ZNF782: variants seen among roughly 807,000 people sequenced by gnomAD.
ZNF782 encodes the protein zinc finger protein 782.
A neutral mutation model predicts 13.0 loss-of-function variants in ZNF782; 12 were observed. The ratio of observed to expected loss-of-function variants is 0.92; its 90% CI spans 0.59 to 1.50. The LOEUF (loss-of-function observed/expected upper bound fraction) is 1.50. ZNF782 is among the 40% of genes most tolerant of loss of function. The pLI, the probability that ZNF782 is intolerant of heterozygous loss-of-function variation, is 0.00. For synonymous variants in ZNF782, 284 were observed against 283.0 expected, an observed-to-expected ratio of 1.00 and a Z score of -0.04; for missense variants, 770 against 822.9, an observed-to-expected ratio of 0.94 and a Z score of 0.79.
At chr9:96,843,019 G>A (rs1057067275) in intron 4 of ZNF782, among the ~76,000 whole-genome samples, 1 of 152,060 alleles carries the variant, frequency 6.6e-6, no homozygotes, top group African/African-American at 2.4e-5. Flanking sequence ...CCTGTTCAAC[G>A]ACTAATACAT....
intron 4 of ZNF782, among the ~76,000 whole-genome samples, chr9:96,835,157 T>C (rs1349332116): frequency 1.3e-5 from 2 of 152,228 alleles, no homozygotes; most frequent in Non-Finnish European, 2.9e-5. Flanking sequence ...AGTGGTGAAC[T>C]AGTATAACTG....
At chr9:96,868,219 G>A (rs1231185160) in intron 1 of ZNF782, among the ~76,000 whole-genome samples, 1 of 152,228 alleles carries the variant, frequency 6.6e-6, no homozygotes, top group African/African-American at 2.4e-5. Context: ...AATACTGATA[G>A]GATTTCCCTG....
chr9:96,911,438 CAAAAAAA>C, the ZNF782 span, among the ~76,000 whole-genome samples: 871 of 28,198 alleles, frequency 0.031, 32 homozygotes, highest in East Asian at 0.29. Context: ...GACTCTGTCT[CAAAAAAA>C]AAAAAAAAAA....
At chr9:96,930,785 G>A in the ZNF782 span, among the ~76,000 whole-genome samples, 2 of 148,814 alleles carry the variant, frequency 1.3e-5, no homozygotes, top group South Asian at 2.2e-4. Flanking sequence ...GTGGTGCCAG[G>A]ACAATCACTT....
rs201562561 is a variant in ZNF782, at chr9:96,818,812, C to T, written c.1211G>A (p.Ser404Asn). 9 of 1,613,776 alleles carry T rather than the reference C, an allele frequency of 5.6e-6. No homozygotes were observed. In the Admixed American group the frequency reaches 6.7e-5, roughly 12 times the overall value. Reference sequence around the variant, plus strand: ...ATGTTTTCTTAGGCGTGACTTCTCACTGAAGGCTTTCCCGCACTCAGGACA... The same window carrying T: ...ATGTTTTCTTAGGCGTGACTTCTCATTGAAGGCTTTCCCGCACTCAGGACA... ...YECPECGKAF[S>N]EKSRLRKHQR... The change falls in exon 6 of 6, where the codon AGT (serine) becomes AAT (asparagine). Residue 404 changes from serine to asparagine, a missense_variant. Ser to Asn is a conservative substitution (Grantham distance 46). Transcript: ENST00000481138.
chr9:96,821,220 G>T (rs771576140), intron 5 of ZNF782, among the ~76,000 whole-genome samples: 3 of 152,178 alleles, frequency 2.0e-5, no homozygotes, highest in South Asian at 4.1e-4. Context: ...TACACTAACT[G>T]TAGGCTCATT....
intron 2 of ZNF782, among the ~76,000 whole-genome samples, chr9:96,852,398 G>A (rs1009038730): frequency 2.6e-5 from 4 of 152,166 alleles, no homozygotes; most frequent in South Asian, 2.1e-4. Flanking sequence ...CCAGCACTTC[G>A]GGAGGCCAAA....
intron 5 of ZNF782, among the ~76,000 whole-genome samples, 179 bp downstream of exon 5, chr9:96,826,901 C>A (rs899294826): frequency 4.6e-5 from 7 of 152,350 alleles, no homozygotes; most frequent in African/African-American, 1.7e-4. Context: ...TATCTGAACT[C>A]TCAGAAGCTT....
chr9:96,919,640 T>G, the ZNF782 span, among the ~76,000 whole-genome samples: 4 of 146,192 alleles, frequency 2.7e-5, no homozygotes, highest in Middle Eastern at 3.4e-3. Flanking sequence ...CTTGGCTCAC[T>G]GCAACCTCTG....
chr9:96,911,317 T>C, the ZNF782 span, among the ~76,000 whole-genome samples: 1 of 141,834 alleles, frequency 7.1e-6, no homozygotes, highest in Non-Finnish European at 1.5e-5. Context: ...CGGGCGCCTG[T>C]AGTCCCAGCT....
At chr9:96,884,607 A>G in the ZNF782 span, among the ~76,000 whole-genome samples, 1 of 151,990 alleles carries the variant, frequency 6.6e-6, no homozygotes, top group African/African-American at 2.4e-5. Flanking sequence ...CTGGTCACAT[A>G]GTCACACTCA....
chr9:96,818,632 A>T lies in ZNF782; in HGVS notation c.1391T>A (p.Ile464Asn), dbSNP rs151263121. ...GTGAGTTCTCTGATGCACTATGAGG[A>T]TTGACTTATAGTTAAAAGATTTCCC... ...ECGKSFNYKS[I>N]LIVHQRTHTG... The change falls in exon 6 of 6, where the codon ATC becomes AAC. Residue 464 changes from isoleucine (I) to asparagine (N), a missense_variant. By Grantham distance (149) the Ile-to-Asn change is moderately radical (BLOSUM62 -3). Coordinates refer to ENST00000481138, the MANE Select transcript of ZNF782 (RefSeq NM_001001662.3). 4.7e-5 allele frequency: 76 copies of T among 1,611,362 alleles called. No homozygotes were observed. The highest frequency in any genetic ancestry group is 5.6e-5 in the Non-Finnish European group (66 of 1,179,348).
At chr9:96,827,423 G>A (rs1322175960) in intron 4 of ZNF782, among the ~76,000 whole-genome samples, 1 of 151,922 alleles carries the variant, frequency 6.6e-6, no homozygotes, top group East Asian at 1.9e-4. Context: ...TCAAACTCCT[G>A]GGCTCAGGTA....
chr9:96,831,581 C>T (rs1284802112), intron 4 of ZNF782, among the ~76,000 whole-genome samples: 3 of 151,842 alleles, frequency 2.0e-5, no homozygotes, highest in African/African-American at 7.3e-5. Flanking sequence ...GACATGGTGG[C>T]AGGCGTCTGT....
intron 5 of ZNF782, among the ~76,000 whole-genome samples, chr9:96,826,532 A>G (rs986961905): frequency 6.6e-6 from 1 of 152,206 alleles, no homozygotes; most frequent in Admixed American, 6.5e-5. Context: ...CATGTACCCT[A>G]AAACTTAAAG....
At chr9:96,901,032 C>T in the ZNF782 span, among the ~76,000 whole-genome samples, 1,378 of 130,722 alleles carry the variant, frequency 0.011, no homozygotes, top group East Asian at 0.064. Context: ...TGGTGGTGTG[C>T]GCCTGTAATC....
At chr9:96,896,859 G>A in the ZNF782 span, among the ~76,000 whole-genome samples, 1 of 152,180 alleles carries the variant, frequency 6.6e-6, no homozygotes, top group African/African-American at 2.4e-5. Flanking sequence ...GGCCTCTACA[G>A]GCAAATCAGT....
At chr9:96,854,617 C>T (rs1447763853), upstream of ZNF782, 1 of 152,266 alleles carries the variant, frequency 6.6e-6, no homozygotes, top group East Asian at 1.9e-4. Flanking sequence ...TTGCGTCCGC[C>T]TTCGACGTGA....
At chr9:96,882,536 T>C in the ZNF782 span, among the ~76,000 whole-genome samples, 1 of 152,202 alleles carries the variant, frequency 6.6e-6, no homozygotes, top group South Asian at 2.1e-4. Flanking sequence ...ATTATATTAA[T>C]TTATTATAAA....
Sources: allele counts gnomAD v4.1 joint callset (sites outside exome capture counted in the v4.1 genomes callset), GRCh38; gene constraint gnomAD v4.1.1; transcripts MANE v1.5; gene names NCBI Gene and HGNC (gene_info 2026-07-23, HGNC 2026-07-21).